SLC8A3: variants seen among roughly 807,000 people sequenced by gnomAD.
SLC8A3 encodes solute carrier family 8 member A3.
In SLC8A3, 37 loss-of-function variants were observed where a neutral mutation model predicts 65.4. The ratio of observed to expected loss-of-function variants is 0.57; its 90% CI spans 0.44 to 0.74. The LOEUF (loss-of-function observed/expected upper bound fraction) is 0.74. SLC8A3 is among the 30% of genes least tolerant of loss of function. The pLI is 0.00. For synonymous variants in SLC8A3, 461 were observed against 444.5 expected (o/e 1.04, Z -0.47); for missense variants, 1,112 against 1,172.1 (o/e 0.95, Z 0.75).
chr14:70,072,251 T>G (rs1389283274), intron 2 of SLC8A3, among the ~76,000 whole-genome samples: 1 of 152,162 alleles, frequency 6.6e-6, no homozygotes, highest in Non-Finnish European at 1.5e-5. Context: ...GCGTGTTACC[T>G]GTGGCTAGAG....
At chr14:70,145,879 G>A (rs1895894156) in intron 2 of SLC8A3, among the ~76,000 whole-genome samples, 1 of 151,904 alleles carries the variant, frequency 6.6e-6, no homozygotes, top group African/African-American at 2.4e-5. Flanking sequence ...CACTAATGAG[G>A]GGCGCCAAGA....
chr14:70,084,901 A>C (rs962566251), intron 2 of SLC8A3, among the ~76,000 whole-genome samples: 18 of 152,162 alleles, frequency 1.2e-4, no homozygotes, highest in Non-Finnish European at 2.2e-4. Context: ...AGAATGAGTA[A>C]TAACGTTTAT....
intron 1 of SLC8A3, among the ~76,000 whole-genome samples, chr14:70,172,584 C>T (rs1897617802): frequency 6.6e-6 from 1 of 152,022 alleles, no homozygotes; most frequent in African/African-American, 2.4e-5. Context: ...GCTGCAGCCT[C>T]CCATCCAAAT....
rs370733909 is a variant in SLC8A3, at chr14:70,058,553, C to T, written c.1888+2283G>A. Among the ~76,000 whole-genome samples, 6 of 152,314 alleles carry T rather than the reference C, an allele frequency of 3.9e-5. No homozygotes were observed. The East Asian group carries it at 7.7e-4, about 20-fold the overall frequency. ...TGAAATCCTTGTCTTCTCACCTACT[C>T]CCTCCACGAGGGCATTGCTGACATT... On this transcript the variant is annotated intron_variant, in intron 3 of 6. Coordinates refer to ENST00000356921, the MANE Select transcript of SLC8A3 (RefSeq NM_182932.3).
intron 3 of SLC8A3, among the ~76,000 whole-genome samples, chr14:70,054,924 A>AAATGTAAG: frequency 6.6e-6 from 1 of 152,212 alleles, no homozygotes; most frequent in Admixed American, 6.5e-5. Flanking sequence ...AGGACTGATG[A>AAATGTAAG]AATGTAAGAC....
intron 1 of SLC8A3, among the ~76,000 whole-genome samples, chr14:70,177,981 G>A (rs978944138): frequency 6.6e-6 from 1 of 152,196 alleles, no homozygotes; most frequent in African/African-American, 2.4e-5. Flanking sequence ...GGCTGCTGGG[G>A]AAGGCATGGA....
chr14:70,052,857 C>A (rs893413802), intron 3 of SLC8A3, among the ~76,000 whole-genome samples: 3 of 152,116 alleles, frequency 2.0e-5, no homozygotes, highest in Admixed American at 2.0e-4. Context: ...AGTAAACCTC[C>A]TAGGGGAATC....
At chr14:70,153,082 G>C (rs1337116108) in intron 2 of SLC8A3, among the ~76,000 whole-genome samples, 1 of 152,182 alleles carries the variant, frequency 6.6e-6, no homozygotes, top group African/African-American at 2.4e-5. Context: ...GCTGGGACAG[G>C]AGAGGAGGAA....
At chr14:70,057,708 CT>C (rs1217138035) in intron 3 of SLC8A3, among the ~76,000 whole-genome samples, 1 of 152,216 alleles carries the variant, frequency 6.6e-6, no homozygotes, top group Non-Finnish European at 1.5e-5. Context: ...GAAGCTGGAG[CT>C]GAACTTTCCC....
chr14:70,140,443 ACTC>A (rs1895489861), intron 2 of SLC8A3, among the ~76,000 whole-genome samples: 1 of 152,118 alleles, frequency 6.6e-6, no homozygotes, highest in African/African-American at 2.4e-5. Context: ...ATGGCTCTGA[ACTC>A]CTGCAGAACA....
At chr14:70,095,888 T>C (rs1440004886) in intron 2 of SLC8A3, among the ~76,000 whole-genome samples, 1 of 152,098 alleles carries the variant, frequency 6.6e-6, no homozygotes, top group Non-Finnish European at 1.5e-5. Flanking sequence ...TATCTTCTTT[T>C]TTTTTTTCGT....
rs149866234 is a variant in SLC8A3, at chr14:70,048,915, G to A, written c.2241C>T (p.His747=). 3.2e-5 allele frequency: 52 copies of A among 1,614,064 alleles called. No individual in the cohort carries two copies. In the Middle Eastern group the frequency reaches 4.9e-4, roughly 15 times the overall value. Reference sequence around the variant, plus strand: ...TGGAGACGGCGAAGCAGGCCCAGCCGTGGCAGTACTCTGTGGGGGGCACAC... The same window carrying A: ...TGGAGACGGCGAAGCAGGCCCAGCCATGGCAGTACTCTGTGGGGGGCACAC... ...FACVPPTEYC[H]GWACFAVSIL... The change falls in exon 6 of 7, where the codon CAC becomes CAT. Residue 747 remains histidine (H), a synonymous_variant. Transcript: ENST00000356921.
At chr14:70,102,614 C>G (rs1485228825) in intron 2 of SLC8A3, among the ~76,000 whole-genome samples, 1 of 151,980 alleles carries the variant, frequency 6.6e-6, no homozygotes, top group African/African-American at 2.4e-5. Context: ...AATGAATGAA[C>G]AGACAAAAAA....
At chr14:70,133,786 C>T (rs758648291) in intron 2 of SLC8A3, among the ~76,000 whole-genome samples, 3 of 152,184 alleles carry the variant, frequency 2.0e-5, no homozygotes, top group Non-Finnish European at 2.9e-5. Context: ...TCCAGGAATA[C>T]AGAAGAAGAT....
intron 2 of SLC8A3, among the ~76,000 whole-genome samples, chr14:70,085,038 A>G (rs1320054840): frequency 6.6e-6 from 1 of 152,240 alleles, no homozygotes; most frequent in African/African-American, 2.4e-5. Context: ...TCCATGGGCA[A>G]AGTATGTGAT....
chr14:70,160,318 G>A (rs1423177444), intron 2 of SLC8A3, among the ~76,000 whole-genome samples: 2 of 152,116 alleles, frequency 1.3e-5, no homozygotes, highest in Non-Finnish European at 2.9e-5. Flanking sequence ...GGTGACATGC[G>A]TCTGTAGTCC....
intron 1 of SLC8A3, among the ~76,000 whole-genome samples, chr14:70,173,679 T>C (rs1293754813): frequency 2.0e-5 from 3 of 152,188 alleles, no homozygotes; most frequent in Non-Finnish European, 4.4e-5. Context: ...ACAGGTGTCA[T>C]AGCCAATTTA....
intron 2 of SLC8A3, among the ~76,000 whole-genome samples, chr14:70,076,565 G>A (rs904417915): frequency 6.6e-6 from 1 of 152,182 alleles, no homozygotes; most frequent in African/African-American, 2.4e-5. Flanking sequence ...TAGGGATGCT[G>A]AGGCACACAC....
chr14:70,175,054 C>T (rs539593775), intron 1 of SLC8A3, among the ~76,000 whole-genome samples: 1 of 152,120 alleles, frequency 6.6e-6, no homozygotes, highest in Non-Finnish European at 1.5e-5. Context: ...ACTTCTGAAC[C>T]GTCTGACAGT....
Sources: allele counts gnomAD v4.1 joint callset (sites outside exome capture counted in the v4.1 genomes callset), GRCh38; gene constraint gnomAD v4.1.1; transcripts MANE v1.5; gene names NCBI Gene and HGNC (gene_info 2026-07-23, HGNC 2026-07-21).